The following GNAI3 variants were observed in gnomAD, a reference collection of about 807,000 sequenced individuals.
GNAI3 encodes G protein subunit alpha i3, also known as guanine nucleotide-binding protein G(i) subunit alpha-3.
GNAI3 carries 12 observed loss-of-function variants against 41.8 expected under a neutral mutation model. That is an observed-to-expected ratio of 0.29 (90% CI 0.18 to 0.47). GNAI3 has a LOEUF of 0.47. GNAI3 is among the 20% of genes least tolerant of loss of function. The pLI is 1.00. For missense variants in GNAI3, 360 were observed against 429.6 expected (o/e 0.84, Z 1.43); for synonymous variants, 132 against 146.5 (o/e 0.90, Z 0.71).
chr1:109,577,269 G>GTTTTTTTTTTTTTTTTT (rs1395067814), intron 3 of GNAI3, among the ~76,000 whole-genome samples: 5 of 139,000 alleles, frequency 3.6e-5, no homozygotes, highest in African/African-American at 1.4e-4. Flanking sequence ...TAGCTAAGGT[G>GTTTTTTTTTTTTTTTTT]TTTTTTTTGT....
At chr1:109,586,126 A>G in intron 5 of GNAI3, 90 bp from the exon 6 acceptor site, 1 of 1,050,202 alleles carries the variant, frequency 9.5e-7, no homozygotes, top group South Asian at 2.0e-5. Flanking sequence ...AGTTTTGAAT[A>G]TGTAATAGTG....
rs766156959 is a variant in GNAI3, at chr1:109,597,272, G to C, written c.*4950G>C. On this transcript the variant is annotated 3_prime_UTR_variant, in exon 9 of 9. Coordinates refer to ENST00000369851, the MANE Select transcript of GNAI3 (RefSeq NM_006496.4). ...AGGTCAGGAGTTTGAGACCAGCTTG[G>C]CCAACATGGTGAAACCCCGTCTTTA... 6.6e-6 allele frequency: 1 copy of C among 152,048 alleles called. No individual in the cohort carries two copies. Among genetic ancestry groups the C allele is most frequent in the African/African-American group, 2.4e-5 (1 of 41,356 alleles). 9.4% of individuals were successfully genotyped at this position (152,048 alleles called of 1,614,324 possible).
At chr1:109,568,263 A>G (rs1648509369) in intron 1 of GNAI3, among the ~76,000 whole-genome samples, 2 of 152,114 alleles carry the variant, frequency 1.3e-5, no homozygotes, top group South Asian at 4.1e-4. Context: ...GTCTGGGTGC[A>G]GTGGCTCGCC....
At chr1:109,589,045 A>C (rs1469534711) in intron 7 of GNAI3, among the ~76,000 whole-genome samples, 1 of 152,190 alleles carries the variant, frequency 6.6e-6, no homozygotes, top group East Asian at 1.9e-4. Flanking sequence ...TATTCATAGA[A>C]CGTTGAAATA....
chr1:109,559,437 T>C (rs1648250286), intron 1 of GNAI3, among the ~76,000 whole-genome samples: 1 of 152,186 alleles, frequency 6.6e-6, no homozygotes, highest in South Asian at 2.1e-4. Flanking sequence ...CCTTTCTTTT[T>C]ACCACTGAGG....
At chr1:109,568,140 T>C (rs1345372359) in intron 1 of GNAI3, among the ~76,000 whole-genome samples, 2 of 152,206 alleles carry the variant, frequency 1.3e-5, no homozygotes, top group Non-Finnish European at 2.9e-5. Context: ...AAAGAAATTA[T>C]CACCATCTCT....
At chr1:109,565,769 C>T (rs1320943414) in intron 1 of GNAI3, among the ~76,000 whole-genome samples, 2 of 151,980 alleles carry the variant, frequency 1.3e-5, no homozygotes, top group Non-Finnish European at 2.9e-5. Flanking sequence ...CAGGCACAAA[C>T]CCGAATAATT....
intron 7 of GNAI3, among the ~76,000 whole-genome samples, chr1:109,587,964 T>TC (rs1557912348): frequency 6.6e-6 from 1 of 152,176 alleles, no homozygotes; most frequent in African/African-American, 2.4e-5. Context: ...GCACTCTTTA[T>TC]CCCCATCTTT....
At chr1:109,562,570 A>G (rs17023480) in intron 1 of GNAI3, among the ~76,000 whole-genome samples, 1,557 of 152,298 alleles carry the variant, frequency 0.01, 66 homozygotes, top group Admixed American at 0.068. Flanking sequence ...TACATATGTG[A>G]AATCCATACT....
At chr1:109,563,492 T>C (rs1390550148) in intron 1 of GNAI3, among the ~76,000 whole-genome samples, 1 of 152,204 alleles carries the variant, frequency 6.6e-6, no homozygotes, top group Non-Finnish European at 1.5e-5. Flanking sequence ...GAAGGAACTC[T>C]ACGTACTTCT....
At chr1:109,554,521 T>C (rs1648092132) in intron 1 of GNAI3, among the ~76,000 whole-genome samples, 1 of 152,212 alleles carries the variant, frequency 6.6e-6, no homozygotes, top group Non-Finnish European at 1.5e-5. Flanking sequence ...GTATATCTTG[T>C]GAGAATTGTC....
intron 1 of GNAI3, among the ~76,000 whole-genome samples, chr1:109,553,751 T>A (rs1411068936): frequency 6.6e-6 from 1 of 152,206 alleles, no homozygotes; most frequent in Non-Finnish European, 1.5e-5. Context: ...ACAGGTTATG[T>A]TTGGTTACGT....
Position 109,579,354 on chromosome 1 carries a change from G to A in GNAI3, c.454G>A (p.Ala152Thr), listed in dbSNP as rs1259614863. The change falls in exon 4 of 9, where the codon GCT becomes ACT. Residue 152 changes from alanine to threonine, a missense_variant. Transcript: ENST00000369851. Reference protein sequence around the residue: ...RSREYQLNDSASYYLNDLDRI... With the variant: ...RSREYQLNDSTSYYLNDLDRI... ...CAGGGAATATCAGCTCAATGATTCT[G>A]CTTCATAGTAAGTAATTTTTCTCTG... The A allele has an allele frequency of 4.3e-6, 7 of 1,609,308 alleles. No homozygotes were observed. The highest frequency in any genetic ancestry group is 1.3e-5 in the African/African-American group (1 of 74,734).
rs1449106249 is a variant in GNAI3 at position 109,596,951 on chromosome 1, C to CT, written c.*4631dup. On this transcript the variant is annotated 3_prime_UTR_variant, in exon 9 of 9. Transcript: ENST00000369851. Reference sequence around the variant, plus strand: ...GGTTGAATAGCCCTTATCCAAATCTCTTGGGACCAGAAGTGTTTGAGAGTT... The same window carrying CT: ...GGTTGAATAGCCCTTATCCAAATCTCTTTGGGACCAGAAGTGTTTGAGAGTT... 1.3e-5 allele frequency: 2 copies of CT among 152,138 alleles called. No individual in the cohort carries two copies. The highest frequency in any genetic ancestry group is 2.9e-5 in the Non-Finnish European group (2 of 68,036). The allele number at this position is 152,138 out of a possible 1,614,324, so 9.4% of individuals were successfully genotyped here. A position where few individuals can be genotyped will look rare whatever the true frequency, so the allele number is the denominator to read the frequency against.
rs1490778438 is a variant in GNAI3, at chr1:109,595,039, T to C, written c.*2717T>C. 1 of 152,192 alleles carries C rather than the reference T, an allele frequency of 6.6e-6. No individual in the cohort carries two copies. The highest frequency in any genetic ancestry group is 2.4e-5 in the African/African-American group (1 of 41,452). The allele number at this position is 152,192 out of a possible 1,614,324, so 9.4% of individuals were successfully genotyped here. ...ATATTTTCTTGTAGCAGGGCTAAAA[T>C]GTGGGATGAAACATTAAATCTACTA... On this transcript the variant is annotated 3_prime_UTR_variant, in exon 9 of 9. Transcript: ENST00000369851.
intron 3 of GNAI3, among the ~76,000 whole-genome samples, chr1:109,575,222 T>C (rs1648704062): frequency 6.6e-6 from 1 of 152,200 alleles, no homozygotes; most frequent in South Asian, 2.1e-4. Flanking sequence ...TACCCTTTCC[T>C]ATTCCTTCTC....
intron 3 of GNAI3, among the ~76,000 whole-genome samples, chr1:109,578,268 C>T (rs757049802): frequency 2.0e-5 from 3 of 151,856 alleles, no homozygotes; most frequent in South Asian, 2.1e-4. Flanking sequence ...GTCAGGTGTT[C>T]GAGACCAGCC....
intron 1 of GNAI3, among the ~76,000 whole-genome samples, chr1:109,555,517 C>T (rs72987021): frequency 0.056 from 8,476 of 152,120 alleles, 779 homozygotes; most frequent in African/African-American, 0.19. Flanking sequence ...TCTGAAAATA[C>T]GGCCCTTTTC....
chr1:109,563,896 G>A (rs1648380826), intron 1 of GNAI3, among the ~76,000 whole-genome samples: 1 of 152,020 alleles, frequency 6.6e-6, no homozygotes, highest in African/African-American at 2.4e-5. Flanking sequence ...CTGGACAATA[G>A]GTACACAGAT....
Sources: allele counts gnomAD v4.1 joint callset (sites outside exome capture counted in the v4.1 genomes callset), GRCh38; gene constraint gnomAD v4.1.1; transcripts MANE v1.5; gene names NCBI Gene and HGNC (gene_info 2026-07-23, HGNC 2026-07-21).